The following VDAC3 variants were observed in gnomAD, a reference collection of about 807,000 sequenced individuals.
VDAC3 encodes voltage dependent anion channel 3.
A neutral mutation model predicts 33.9 loss-of-function variants in VDAC3; 7 were observed. The ratio of observed to expected loss-of-function variants is 0.21; its 90% CI spans 0.12 to 0.39. The LOEUF is 0.39. Ranked by LOEUF, VDAC3 falls within the 10% of genes least tolerant of loss-of-function variation. VDAC3 has a pLI of 1.00. For missense variants in VDAC3, 261 were observed against 334.5 expected, an observed-to-expected ratio of 0.78 and a Z score of 1.71; for synonymous variants, 100 against 122.4, an observed-to-expected ratio of 0.82 and a Z score of 1.21.
chr8:42,403,152 TTC>T (rs1802446668), intron 7 of VDAC3, 157 bp from the exon 8 acceptor site: 2 of 733,844 alleles, frequency 2.7e-6, no homozygotes, highest in African/African-American at 3.6e-5. Flanking sequence ...CTGGATTTAG[TTC>T]TGTGTTTTGT....
intron 8 of VDAC3, 23 bp from the exon 9 acceptor site, chr8:42,404,844 A>G (rs1158175858): frequency 1.9e-6 from 3 of 1,603,452 alleles, no homozygotes; most frequent in African/African-American, 1.3e-5. Flanking sequence ...GTTTTCTGTT[A>G]TTATTCTATC....
Position 42,401,776 on chromosome 8 carries a change from T to G in VDAC3, c.324-12T>G. 1.2e-6 allele frequency: 2 copies of G among 1,612,538 alleles called. No individual in the cohort carries two copies. The highest frequency in any genetic ancestry group is 1.7e-6 in the Non-Finnish European group (2 of 1,178,670). On this transcript the variant is annotated splice_polypyrimidine_tract_variant and intron_variant, in intron 6 of 9. Coordinates refer to ENST00000022615, the MANE Select transcript of VDAC3 (RefSeq NM_005662.7). ...TTTTCATCATTTGCTTTTGTTTGTT[T>G]GTTTATTGCAGAAAGAAGAGTGGGA...
intron 1 of VDAC3, among the ~76,000 whole-genome samples, chr8:42,392,424 C>T (rs188884973): frequency 5.6e-4 from 86 of 152,390 alleles, no homozygotes; most frequent in African/African-American, 1.9e-3. Flanking sequence ...CCTGCAGCCT[C>T]TGTGCAGTGT....
Position 42,401,816 on chromosome 8 carries a change from T to C in VDAC3, c.352T>C (p.Tyr118His), listed in dbSNP as rs1406265428. ...GKKSGKLKAS[Y>H]KRDCFSVGSN... ...GAAGAGTGGGAAATTGAAGGCCTCC[T>C]ATAAACGGGATTGTTTTAGTGTTGG... is the stretch of plus-strand genomic sequence containing the variant. Residue 118 changes from tyrosine to histidine, a missense_variant, in exon 7 of 10, where the codon TAT becomes CAT. Transcript: ENST00000022615. 6.2e-7 allele frequency: 1 copy of C among 1,614,130 alleles called. No homozygotes were observed. The highest frequency in any genetic ancestry group is 1.3e-5 in the African/African-American group (1 of 74,952).
intron 6 of VDAC3, 79 bp from the exon 7 acceptor site, chr8:42,401,709 C>A: frequency 7.7e-7 from 1 of 1,301,430 alleles, no homozygotes; most frequent in Non-Finnish European, 1.1e-6. Context: ...GAGAGAGGAT[C>A]TTACTCTAAA....
intron 1 of VDAC3, among the ~76,000 whole-genome samples, chr8:42,392,297 C>T (rs1824883151): frequency 6.6e-6 from 1 of 152,202 alleles, no homozygotes; most frequent in Non-Finnish European, 1.5e-5. Context: ...GGGAGGGTGC[C>T]CTGCGTGCAA....
At chr8:42,398,118 T>TA (rs1451991567) in intron 4 of VDAC3, among the ~76,000 whole-genome samples, 1 of 152,252 alleles carries the variant, frequency 6.6e-6, no homozygotes, top group African/African-American at 2.4e-5. Context: ...ATGTTTAAGA[T>TA]ACAATATTTT....
Position 42,401,520 on chromosome 8 carries a change from C to A in VDAC3, c.324-268C>A, listed in dbSNP as rs1341488153. Among the ~76,000 whole-genome samples, 4 of 152,146 alleles carry A rather than the reference C, an allele frequency of 2.6e-5. No homozygotes were observed. In the East Asian group the frequency reaches 7.7e-4, roughly 29 times the overall value. On this transcript the variant is annotated intron_variant, in intron 6 of 9. Transcript: ENST00000022615. ...TCTTATTCATTCTTATACTTTTGTT[C>A]ATGCTTTTATGAAATAAATCATGAA...
intron 1 of VDAC3, among the ~76,000 whole-genome samples, chr8:42,393,236 T>C (rs1489138072): frequency 2.0e-5 from 3 of 152,166 alleles, no homozygotes; most frequent in Non-Finnish European, 2.9e-5. Context: ...AAGTCTGGAT[T>C]AAGAGCTGGG....
chr8:42,404,442 G>A (rs1314596922), intron 8 of VDAC3, among the ~76,000 whole-genome samples: 1 of 152,046 alleles, frequency 6.6e-6, no homozygotes. Context: ...CAGTAATTCC[G>A]GCTGGGCACG....
intron 4 of VDAC3, chr8:42,396,719 G>A: frequency 1.5e-6 from 1 of 679,904 alleles, no homozygotes. Flanking sequence ...TGTTTTTATG[G>A]CTGCTTTTGG....
Position 42,401,821 on chromosome 8 carries a change from A to G in VDAC3, c.357A>G (p.Lys119=). 1 of 1,614,138 alleles carries G rather than the reference A, an allele frequency of 6.2e-7. No individual in the cohort carries two copies. The highest frequency in any genetic ancestry group is 8.5e-7 in the Non-Finnish European group (1 of 1,180,022). Reference sequence around the variant, plus strand: ...GTGGGAAATTGAAGGCCTCCTATAAACGGGATTGTTTTAGTGTTGGCAGTA... The same window carrying G: ...GTGGGAAATTGAAGGCCTCCTATAAGCGGGATTGTTTTAGTGTTGGCAGTA... ...KKSGKLKASY[K]RDCFSVGSNV... is the part of the protein sequence containing the mutation. Residue 119 remains lysine (K), a synonymous_variant, in exon 7 of 10, where the codon AAA becomes AAG. Coordinates refer to ENST00000022615, the MANE Select transcript of VDAC3 (RefSeq NM_005662.7).
At position 42,394,282 on chromosome 8, in the gene VDAC3, A is replaced by G. The variant is rs745336828; in HGVS notation, c.67+4A>G. On this transcript the variant is annotated splice_donor_region_variant and intron_variant, in intron 3 of 9. Coordinates refer to ENST00000022615, the MANE Select transcript of VDAC3 (RefSeq NM_005662.7). ...GATGTCTTCAACAAAGGATATGGTA[A>G]GTATGCTATTGTAACTTTCCAGTTT... is the stretch of plus-strand genomic sequence containing the variant. 9.9e-6 allele frequency: 16 copies of G among 1,612,502 alleles called. No homozygotes were observed. The African/African-American group carries it at 1.9e-4, about 19-fold the overall frequency.
In VDAC3 at chr8:42,401,941, A is replaced by C; in HGVS notation, c.477A>C (p.Thr159=). ...CTGGCTATCAGATGAGTTTTGACACAGCCAAATCCAAACTGTCACAGAATA... is the reference window on the plus strand; with the variant it reads ...CTGGCTATCAGATGAGTTTTGACACCGCCAAATCCAAACTGTCACAGAATA... ...WLAGYQMSFD[T]AKSKLSQNNF... The change falls in exon 7 of 10, where the codon ACA becomes ACC. Residue 159 remains threonine, a synonymous_variant. Transcript: ENST00000022615. 1 of 1,614,236 alleles carries C rather than the reference A, an allele frequency of 6.2e-7. No individual in the cohort carries two copies. Among genetic ancestry groups the C allele is most frequent in the Non-Finnish European group, 8.5e-7 (1 of 1,180,052 alleles).
At chr8:42,399,286 T>A (rs114626431) in intron 5 of VDAC3, among the ~76,000 whole-genome samples, 3,558 of 152,302 alleles carry the variant, frequency 0.023, 90 homozygotes, top group South Asian at 0.094. Context: ...GTATAGATAA[T>A]GTACATGCAA....
Position 42,401,886 on chromosome 8 carries a change from G to C in VDAC3, c.422G>C (p.Trp141Ser). Residue 141 changes from tryptophan (W) to serine (S), a missense_variant, in exon 7 of 10, where the codon TGG (tryptophan) becomes TCG (serine). Trp to Ser is a radical substitution (Grantham distance 177). Transcript: ENST00000022615. ...TTTTCTGGACCAACCATCTATGGCT[G>C]GGCTGTGTTGGCCTTCGAAGGGTGG... ...IDFSGPTIYG[W>S]AVLAFEGWLA... 6.2e-7 allele frequency: 1 copy of C among 1,614,196 alleles called. No homozygotes were observed. The highest frequency in any genetic ancestry group is 8.5e-7 in the Non-Finnish European group (1 of 1,180,036).
At chr8:42,393,291 C>T (rs747247685) in intron 1 of VDAC3, among the ~76,000 whole-genome samples, 1 of 140,404 alleles carries the variant, frequency 7.1e-6, no homozygotes, top group Non-Finnish European at 1.6e-5. Context: ...ATCATTCAGG[C>T]GTAGCAATTG....
In VDAC3 at chr8:42,404,856, C is replaced by T. The variant is rs765324763; in HGVS notation, c.703-11C>T. ...ACTGTTTTCTGTTATTATTCTATCT[C>T]TTAATCTTAGGCTAAAGTAAATAAT... is the stretch of plus-strand genomic sequence containing the variant. On this transcript the variant is annotated splice_polypyrimidine_tract_variant and intron_variant, in intron 8 of 9. Coordinates refer to ENST00000022615, the MANE Select transcript of VDAC3 (RefSeq NM_005662.7). 5.0e-6 allele frequency: 8 copies of T among 1,610,106 alleles called. No individual in the cohort carries two copies. Among genetic ancestry groups the T allele is most frequent in the Middle Eastern group, 1.7e-4 (1 of 6,042 alleles).
Position 42,393,829 on chromosome 8 carries a change from T to G in VDAC3, c.-42-16T>G. The G allele has an allele frequency of 2.5e-6, 1 of 405,832 alleles. No individual in the cohort carries two copies. Among genetic ancestry groups the G allele is most frequent in the Non-Finnish European group, 4.4e-6 (1 of 229,874 alleles). 25.1% of individuals were successfully genotyped at this position (405,832 alleles called of 1,614,324 possible). ...TTAACAGTTTCTTTAAAAATTTCCA[T>G]TGTTGTCTTATACAGGTCTTTGGTT... On this transcript the variant is annotated splice_polypyrimidine_tract_variant and intron_variant, in intron 1 of 9. Transcript: ENST00000022615.
Sources: allele counts gnomAD v4.1 joint callset (sites outside exome capture counted in the v4.1 genomes callset), GRCh38; gene constraint gnomAD v4.1.1; transcripts MANE v1.5; gene names NCBI Gene and HGNC (gene_info 2026-07-23, HGNC 2026-07-21).